Variants in MLLT10 observed in about 807,000 individuals in gnomAD.
MLLT10 encodes the protein protein AF-10.
A neutral mutation model predicts 129.1 loss-of-function variants in MLLT10; 30 were observed. The observed-to-expected ratio is 0.23, with a 90% CI of 0.17 to 0.32. The LOEUF is 0.32. MLLT10 is among the 10% of genes least tolerant of loss of function. The pLI, the probability that MLLT10 is intolerant of heterozygous loss-of-function variation, is 1.00. For synonymous variants in MLLT10, 490 were observed against 446.4 expected, an observed-to-expected ratio of 1.10 and a Z score of -1.23; for missense variants, 1,119 against 1,268.3, an observed-to-expected ratio of 0.88 and a Z score of 1.79.
intron 14 of MLLT10, among the ~76,000 whole-genome samples, chr10:21,724,925 G>A (rs1287535666): frequency 6.6e-6 from 1 of 152,218 alleles, no homozygotes; most frequent in Admixed American, 6.5e-5. Flanking sequence ...CTTTGGACGA[G>A]CTCTTCAGTT....
intron 3 of MLLT10, among the ~76,000 whole-genome samples, chr10:21,553,742 C>T (rs1002457057): frequency 4.0e-5 from 6 of 151,806 alleles, no homozygotes; most frequent in Non-Finnish European, 7.4e-5. Flanking sequence ...CTCTGCCTCC[C>T]GGGTTCAAGT....
At chr10:21,638,413 A>G (rs2047666191) in intron 8 of MLLT10, among the ~76,000 whole-genome samples, 1 of 152,004 alleles carries the variant, frequency 6.6e-6, no homozygotes. Flanking sequence ...TAATTCCCCA[A>G]AGACCCCACC....
chr10:21,713,078 C>G lies in MLLT10; in HGVS notation c.1700-694C>G, dbSNP rs553546603. On this transcript the variant is annotated intron_variant, in intron 13 of 22. Transcript: ENST00000307729. ...ATCAAGTCTCCCATGATTTTCACCT[C>G]CTGTGTTCTCTGGAGTAAATGGAGC... Among the ~76,000 whole-genome samples the G allele has an allele frequency of 2.6e-5, 4 of 152,284 alleles. No homozygotes were observed. In the South Asian group the frequency reaches 8.3e-4, roughly 32 times the overall value.
At position 21,582,356 on chromosome 10, in the gene MLLT10, G is replaced by A. The variant is rs1447316306; in HGVS notation, c.241-3938G>A. ...GCTGGTCTCGAACTCCTGACCTCAG[G>A]TGATCTGCCCGCCTCAGCCTCCCAA... On this transcript the variant is annotated intron_variant, in intron 3 of 22. Coordinates refer to ENST00000307729, the MANE Select transcript of MLLT10 (RefSeq NM_001195626.3). Among the ~76,000 whole-genome samples the A allele has an allele frequency of 6.6e-5, 10 of 152,164 alleles. No homozygotes were observed. The South Asian group carries it at 1.9e-3, about 28-fold the overall frequency.
At chr10:21,660,871 CAA>C (rs770411226) in intron 9 of MLLT10, among the ~76,000 whole-genome samples, 1,809 of 81,336 alleles carry the variant, frequency 0.022, 15 homozygotes, top group African/African-American at 0.046. Context: ...AACTCTGTCT[CAA>C]AAAAAAAAAA....
intron 3 of MLLT10, among the ~76,000 whole-genome samples, chr10:21,549,122 C>CTTTTTTTT (rs5783779): frequency 7.7e-6 from 1 of 130,394 alleles, no homozygotes; most frequent in Admixed American, 8.1e-5. Flanking sequence ...GAGCTTATTC[C>CTTTTTTTT]TTTTTTTTTT....
upstream of MLLT10, chr10:21,534,107 G>A (rs1286882294): frequency 7.2e-6 from 2 of 278,414 alleles, no homozygotes; most frequent in Admixed American, 5.3e-5. Context: ...CGGCGGCGGC[G>A]AGCGGCGCGG....
intron 13 of MLLT10, among the ~76,000 whole-genome samples, chr10:21,710,487 A>G (rs996883994): frequency 5.3e-5 from 8 of 152,220 alleles, no homozygotes; most frequent in Admixed American, 1.3e-4. Context: ...ATTATGAGCA[A>G]CTGGTTAAAA....
At chr10:21,567,518 C>G (rs1283068774) in intron 3 of MLLT10, among the ~76,000 whole-genome samples, 1 of 152,138 alleles carries the variant, frequency 6.6e-6, no homozygotes, top group Non-Finnish European at 1.5e-5. Flanking sequence ...GTCTTCCCTA[C>G]TTTTCTCCAC....
intron 3 of MLLT10, among the ~76,000 whole-genome samples, chr10:21,575,132 G>C (rs2040601632): frequency 6.6e-6 from 1 of 151,532 alleles, no homozygotes; most frequent in African/African-American, 2.4e-5. Flanking sequence ...ACTTACTTTG[G>C]GTTTACTTTA....
At chr10:21,714,299 A>T (rs893022956) in intron 14 of MLLT10, among the ~76,000 whole-genome samples, 5 of 151,710 alleles carry the variant, frequency 3.3e-5, no homozygotes, top group African/African-American at 1.2e-4. Context: ...AATTCCTTTT[A>T]TAATTTTTAA....
intron 4 of MLLT10, among the ~76,000 whole-genome samples, chr10:21,591,968 G>T (rs2042551455): frequency 6.6e-6 from 1 of 152,162 alleles, no homozygotes; most frequent in Non-Finnish European, 1.5e-5. Context: ...TGATCTGCCT[G>T]CCTTGGCTAT....
chr10:21,579,287 T>C (rs946259019), intron 3 of MLLT10, among the ~76,000 whole-genome samples: 6 of 152,202 alleles, frequency 3.9e-5, no homozygotes, highest in African/African-American at 1.4e-4. Flanking sequence ...TGCTTCAAGA[T>C]TTTTCCCTCT....
At chr10:21,666,848 TTTTG>T (rs1272208533) in intron 9 of MLLT10, among the ~76,000 whole-genome samples, 1 of 152,166 alleles carries the variant, frequency 6.6e-6, no homozygotes, top group Non-Finnish European at 1.5e-5. Flanking sequence ...TTGCACACTG[TTTTG>T]AGTGGTGTGA....
intron 5 of MLLT10, among the ~76,000 whole-genome samples, chr10:21,605,353 A>G (rs1384221302): frequency 6.6e-6 from 1 of 152,214 alleles, no homozygotes; most frequent in African/African-American, 2.4e-5. Flanking sequence ...GGTAAAGTTG[A>G]AAAACTGTAA....
At chr10:21,563,349 C>A (rs2039103842) in intron 3 of MLLT10, among the ~76,000 whole-genome samples, 1 of 151,794 alleles carries the variant, frequency 6.6e-6, no homozygotes, top group Non-Finnish European at 1.5e-5. Context: ...CATGGTGAAA[C>A]CTGTCTCTAC....
intron 13 of MLLT10, among the ~76,000 whole-genome samples, chr10:21,706,243 G>A (rs1481783210): frequency 6.6e-6 from 1 of 152,108 alleles, no homozygotes; most frequent in Non-Finnish European, 1.5e-5. Flanking sequence ...TAATAATGAT[G>A]GGCACTGTTT....
At chr10:21,731,538 GA>G (rs1317572950) in intron 17 of MLLT10, among the ~76,000 whole-genome samples, 1 of 152,046 alleles carries the variant, frequency 6.6e-6, no homozygotes, top group African/African-American at 2.4e-5. Flanking sequence ...ATTGTTAGAA[GA>G]AAACTTGCTC....
At chr10:21,631,313 CA>C (rs991306894) in intron 8 of MLLT10, among the ~76,000 whole-genome samples, 4,591 of 47,770 alleles carry the variant, frequency 0.096, 49 homozygotes, top group African/African-American at 0.23. Context: ...GACTCCGTCT[CA>C]AAAAAAAAAA....
Sources: allele counts gnomAD v4.1 joint callset (sites outside exome capture counted in the v4.1 genomes callset), GRCh38; gene constraint gnomAD v4.1.1; transcripts MANE v1.5; gene names NCBI Gene and HGNC (gene_info 2026-07-23, HGNC 2026-07-21).